PCDH11X: variants seen among roughly 807,000 people sequenced by gnomAD.
The protein encoded by PCDH11X is protocadherin-11 X-linked.
Under a neutral mutation model 53.3 loss-of-function variants are expected in PCDH11X, and 18 were observed. The observed-to-expected ratio is 0.34, with a 90% CI of 0.23 to 0.50. The LOEUF (loss-of-function observed/expected upper bound fraction) is 0.50, where lower values mean the gene tolerates loss of function less well. PCDH11X is among the 20% of genes least tolerant of loss of function. The probability of loss-of-function intolerance (pLI) is 0.98; values close to 1 mark genes in which losing one functional copy is unlikely to be tolerated. For synonymous variants in PCDH11X, 279 were observed against 393.3 expected, an observed-to-expected ratio of 0.71 and a Z score of 3.44; for missense variants, 570 against 1,032.4, an observed-to-expected ratio of 0.55 and a Z score of 6.14.
At position 92,551,989 on chromosome X, in the gene PCDH11X, G is replaced by T. The variant is rs866881903; in HGVS notation, c.3368-66275G>T. Reference sequence around the variant, plus strand: ...GAAGTCAGGTAAGGTGATTCCTCTGGTTTTTTTTTTTTTTTTTTCTCAGGA... The same window carrying T: ...GAAGTCAGGTAAGGTGATTCCTCTGTTTTTTTTTTTTTTTTTTTCTCAGGA... On this transcript the variant is annotated intron_variant, in intron 10 of 10. Transcript: ENST00000682573. Among the ~76,000 whole-genome samples, 367 of 76,150 alleles carry T rather than the reference G, an allele frequency of 4.8e-3. 8 individuals are homozygous for T. The highest frequency in any genetic ancestry group is 0.015 in the African/African-American group (317 of 20,989). 66.1% of individuals were successfully genotyped at this position (76,150 alleles called of 115,157 possible). A position where few individuals can be genotyped will look rare whatever the true frequency, so the allele number is the denominator to read the frequency against.
chrX:91,893,573 T>G (rs1256770595), intron 6 of PCDH11X, among the ~76,000 whole-genome samples: 1 of 110,213 alleles, frequency 9.1e-6, no homozygotes, highest in Non-Finnish European at 1.9e-5. Flanking sequence ...ATCACAAATC[T>G]ATATTGACGA....
chrX:92,280,040 G>T (rs753761441), intron 8 of PCDH11X, among the ~76,000 whole-genome samples: 68 of 111,811 alleles, frequency 6.1e-4, no homozygotes, highest in African/African-American at 2.2e-3. Context: ...ACAATTATGT[G>T]CAGTATTCAG....
chrX:92,530,935 C>T (rs189420880), intron 10 of PCDH11X, among the ~76,000 whole-genome samples: 1,376 of 108,345 alleles, frequency 0.013, 22 homozygotes, highest in African/African-American at 0.044. Context: ...TAATATAATA[C>T]GGTATGTTTT....
At chrX:91,927,001 A>G (rs1160658085) in intron 6 of PCDH11X, among the ~76,000 whole-genome samples, 1 of 110,756 alleles carries the variant, frequency 9.0e-6, no homozygotes, top group Non-Finnish European at 1.9e-5. Flanking sequence ...ACACTATTCT[A>G]CTCTCTACTT....
chrX:92,132,789 T>C (rs2065019235), intron 6 of PCDH11X, among the ~76,000 whole-genome samples: 1 of 105,487 alleles, frequency 9.5e-6, no homozygotes, highest in Admixed American at 1.1e-4. Context: ...CCTGCCACAG[T>C]ATGACATGAG....
intron 1 of PCDH11X, among the ~76,000 whole-genome samples, chrX:91,788,930 C>A (rs1174367341): frequency 9.0e-6 from 1 of 111,619 alleles, no homozygotes; most frequent in African/African-American, 3.3e-5. Context: ...CTGGTCGCAG[C>A]GGCTCACGCC....
At position 91,883,529 on chromosome X, in the gene PCDH11X, G is replaced by C. The variant is rs533473668; in HGVS notation, c.3033+4256G>C. ...CTCTGCTTAAAAGTTGAGTGGGCCG[G>C]GCGCGGTGGCTCACGCCTGTAATCC... On this transcript the variant is annotated intron_variant, in intron 6 of 10. Coordinates refer to ENST00000682573, the MANE Select transcript of PCDH11X (RefSeq NM_032968.5). The C allele has an allele frequency of 1.2e-3, 912 of 747,880 alleles. 14 individuals are homozygous for C. The South Asian group carries it at 0.055, about 45-fold the overall frequency. The allele number at this position is 747,880 out of a possible 1,213,427, so 61.6% of individuals were successfully genotyped here.
intron 6 of PCDH11X, among the ~76,000 whole-genome samples, chrX:91,894,722 G>T (rs1397510372): frequency 2.7e-5 from 3 of 109,776 alleles, no homozygotes; most frequent in South Asian, 3.9e-4. Flanking sequence ...CATTTTTTTT[G>T]TTTCATGGAG....
intron 10 of PCDH11X, among the ~76,000 whole-genome samples, chrX:92,519,894 G>A (rs776840886): frequency 2.0e-3 from 221 of 110,336 alleles, no homozygotes; most frequent in African/African-American, 6.9e-3. Flanking sequence ...TATCTTTGGA[G>A]ATTTGAATTT....
At chrX:92,204,434 A>G (rs904163257) in intron 7 of PCDH11X, among the ~76,000 whole-genome samples, 1 of 112,033 alleles carries the variant, frequency 8.9e-6, no homozygotes, top group Admixed American at 9.5e-5. Context: ...GCAAAATGCC[A>G]CCATCCTTTT....
chrX:92,434,150 T>G (rs2072316129), intron 9 of PCDH11X, among the ~76,000 whole-genome samples: 1 of 111,247 alleles, frequency 9.0e-6, no homozygotes, highest in South Asian at 3.8e-4. Context: ...TATCTATTTA[T>G]CTATCTTCCT....
At chrX:92,148,173 CTTCT>C (rs1260262520) in intron 6 of PCDH11X, among the ~76,000 whole-genome samples, 591 of 8,419 alleles carry the variant, frequency 0.07, 81 homozygotes, top group Non-Finnish European at 0.11. Flanking sequence ...TCCTTCCTTC[CTTCT>C]TTCTTTCTTT....
At chrX:92,217,248 A>G (rs1274050491) in intron 7 of PCDH11X, among the ~76,000 whole-genome samples, 1 of 111,428 alleles carries the variant, frequency 9.0e-6, no homozygotes, top group African/African-American at 3.3e-5. Context: ...ATTAAAAGAC[A>G]CAGACTGGCA....
At chrX:91,971,741 G>A (rs1330145385) in intron 6 of PCDH11X, among the ~76,000 whole-genome samples, 1 of 111,801 alleles carries the variant, frequency 8.9e-6, no homozygotes, top group Non-Finnish European at 1.9e-5. Context: ...TCCAGTAGCT[G>A]ATCTGTTCAG....
At position 91,779,635 on chromosome X, in the gene PCDH11X, T is replaced by A. The variant is rs921614753; in HGVS notation, c.-428T>A. The A allele has an allele frequency of 1.0e-5, 1 of 97,699 alleles. No homozygotes were observed. The highest frequency in any genetic ancestry group is 3.8e-5 in the African/African-American group (1 of 26,604). The allele number at this position is 97,699 out of a possible 1,213,427, so 8.1% of individuals were successfully genotyped here. ...TCCGTGGAGCGGGCGGAAGCCTTTT[T>A]TCTCCCTTTCGTTTACCTCTTCATT... is the stretch of plus-strand genomic sequence containing the variant. On this transcript the variant is annotated 5_prime_UTR_variant, in exon 1 of 11. Transcript: ENST00000682573.
At chrX:91,958,206 G>T (rs1276102786) in intron 6 of PCDH11X, among the ~76,000 whole-genome samples, 1 of 112,252 alleles carries the variant, frequency 8.9e-6, no homozygotes, top group Non-Finnish European at 1.9e-5. Context: ...CAGGCAGACT[G>T]CAACCTGCTG....
intron 6 of PCDH11X, among the ~76,000 whole-genome samples, chrX:92,186,028 A>G (rs918473389): frequency 9.0e-6 from 1 of 111,723 alleles, no homozygotes; most frequent in Non-Finnish European, 1.9e-5. Context: ...AAGGAAAGGA[A>G]GTCAGTATAT....
chrX:91,907,012 C>T (rs1191995779), intron 6 of PCDH11X, among the ~76,000 whole-genome samples: 4 of 109,541 alleles, frequency 3.7e-5, no homozygotes, highest in Non-Finnish European at 7.6e-5. Context: ...ATATTTTCAC[C>T]AGTAATGTGC....
At chrX:92,314,784 GGATTGTTTTTT>G (rs1382347429) in intron 8 of PCDH11X, among the ~76,000 whole-genome samples, 1 of 110,481 alleles carries the variant, frequency 9.1e-6, no homozygotes, top group Non-Finnish European at 1.9e-5. Context: ...ATAGAGCACT[GGATTGTTTTTT>G]GCAAGTTTTG....
Sources: gnomAD v4.1 joint callset for allele counts (sites outside exome capture counted in the v4.1 genomes callset) on GRCh38, gnomAD v4.1.1 for gene constraint, MANE v1.5 for transcripts, NCBI Gene and HGNC (gene_info 2026-07-23, HGNC 2026-07-21) for gene names.